MSR1: variants seen among roughly 807,000 people sequenced by gnomAD.
MSR1 encodes macrophage scavenger receptor 1.
In MSR1, 53 loss-of-function variants were observed where a neutral mutation model predicts 47.2. The observed-to-expected ratio is 1.12, with a 90% CI of 0.90 to 1.41. MSR1 has a LOEUF of 1.41. Among genes scored for constraint, MSR1 ranks in the 40% most tolerant of loss-of-function variants. The pLI is 0.00. For missense variants in MSR1, 786 were observed against 546.9 expected (o/e 1.44, Z -4.36); for synonymous variants, 239 against 185.6 (o/e 1.29, Z -2.34).
At chr8:16,185,904 A>G (rs771564379) in intron 1 of MSR1, among the ~76,000 whole-genome samples, 3 of 151,642 alleles carry the variant, frequency 2.0e-5, no homozygotes, top group African/African-American at 4.8e-5. Flanking sequence ...TCAGTGGGTG[A>G]GTAGAGGAAG....
Position 16,168,644 on chromosome 8 carries a change from A to G in MSR1, c.444T>C (p.Thr148=), listed in dbSNP as rs1585181394. 3 of 1,614,142 alleles carry G rather than the reference A, an allele frequency of 1.9e-6. No individual in the cohort carries two copies. The highest frequency in any genetic ancestry group is 1.3e-5 in the African/African-American group (1 of 75,048). ...GAAGAATGTCATTAAATCTTTGATC[A>G]GTTGTCATGCTGAAATTTTGGAAAT... ...TEHFQNFSMT[T]DQRFNDILLQ... The change falls in exon 4 of 10, where the codon ACT becomes ACC. Residue 148 remains threonine, a synonymous_variant. Transcript: ENST00000262101.
intron 1 of MSR1, among the ~76,000 whole-genome samples, chr8:16,182,476 T>C (rs181793567): frequency 6.6e-6 from 1 of 152,324 alleles, no homozygotes; most frequent in East Asian, 1.9e-4. Context: ...TCTTTTATAA[T>C]AACACCTGGC....
chr8:16,159,572 G>C (rs1801106059), intron 5 of MSR1, among the ~76,000 whole-genome samples: 1 of 151,858 alleles, frequency 6.6e-6, no homozygotes, highest in Admixed American at 6.6e-5. Context: ...AAAGGATAAA[G>C]CACTCATTAA....
At chr8:16,111,178 T>C (rs1377410591) in intron 9 of MSR1, among the ~76,000 whole-genome samples, 4 of 152,280 alleles carry the variant, frequency 2.6e-5, no homozygotes, top group African/African-American at 9.6e-5. Context: ...TAAAAACTTT[T>C]TGAAAGCCTC....
At chr8:16,111,800 T>C (rs1799761795) in intron 9 of MSR1, among the ~76,000 whole-genome samples, 1 of 152,192 alleles carries the variant, frequency 6.6e-6, no homozygotes, top group African/African-American at 2.4e-5. Context: ...ATGCCATTAT[T>C]GTGTCATTTT....
intron 1 of MSR1, among the ~76,000 whole-genome samples, chr8:16,184,632 A>T (rs993851749): frequency 3.9e-5 from 6 of 152,178 alleles, no homozygotes; most frequent in Admixed American, 1.3e-4. Context: ...TTGAATTACT[A>T]TCTATACAAA....
chr8:16,164,075 A>T lies in MSR1; in HGVS notation c.807T>A (p.Thr269=). 1 of 1,607,582 alleles carries T rather than the reference A, an allele frequency of 6.2e-7. No individual in the cohort carries two copies. Among genetic ancestry groups the T allele is most frequent in the South Asian group, 1.1e-5 (1 of 90,372 alleles). ...GACAAGACATTTTACCTTGAATTAA[A>T]GTGATATTTCTCAAGGTCTGAGAAT... ...WEHSQTLRNI[T]LIQGPPGPPG... is the part of the protein sequence containing the mutation. Residue 269 remains threonine, a synonymous_variant, in exon 5 of 10, where the codon ACT becomes ACA. Transcript: ENST00000262101.
In MSR1 at chr8:16,139,763, AAAAAAAAAAAAATATATATAT is replaced by A. The variant is rs1412976529; in HGVS notation, c.1033+3774_1033+3794del. On this transcript the variant is annotated intron_variant, in intron 8 of 9. Transcript: ENST00000262101. ...TTCAAAACTTAAAAAAAAAAAAAAA[AAAAAAAAAAAAATATATATAT>A]ATATATATATATATATATATATATA... 1.8e-5 allele frequency: 3 copies of A among 163,898 alleles called. No homozygotes were observed. The African/African-American group carries it at 2.3e-4, about 13-fold the overall frequency. The allele number at this position is 163,898 out of a possible 1,614,324, so 10.2% of individuals were successfully genotyped here. A position where few individuals can be genotyped will look rare whatever the true frequency, so the allele number is the denominator to read the frequency against.
rs553064519 is a variant in MSR1, at chr8:16,158,717, T to C, written c.818-3573A>G. Reference sequence around the variant, plus strand: ...AACATTGTTTAACTAAACATATTTATAGAGGGTCAGAGAGTGAGTTGCTCA... The same window carrying C: ...AACATTGTTTAACTAAACATATTTACAGAGGGTCAGAGAGTGAGTTGCTCA... On this transcript the variant is annotated intron_variant, in intron 5 of 9. Coordinates refer to ENST00000262101, the MANE Select transcript of MSR1 (RefSeq NM_138715.3). Among the ~76,000 whole-genome samples, 40 of 152,010 alleles carry C rather than the reference T, an allele frequency of 2.6e-4. 2 individuals are homozygous for C. The highest frequency in any genetic ancestry group is 9.2e-4 in the African/African-American group (38 of 41,526).
At position 16,109,913 on chromosome 8, in the gene MSR1, G is replaced by C; in HGVS notation, c.*172C>G. The C allele has an allele frequency of 2.8e-6, 2 of 715,048 alleles. No homozygotes were observed. Among genetic ancestry groups the C allele is most frequent in the Non-Finnish European group, 2.3e-6 (1 of 441,478 alleles). 44.3% of individuals were successfully genotyped at this position (715,048 alleles called of 1,614,324 possible). A position where few individuals can be genotyped will look rare whatever the true frequency, so the allele number is the denominator to read the frequency against. On this transcript the variant is annotated 3_prime_UTR_variant, in exon 10 of 10. Coordinates refer to ENST00000262101, the MANE Select transcript of MSR1 (RefSeq NM_138715.3). ...TAGAAGTTAAAATGATTTAAATATA[G>C]ACATAAAATAGTAAGCATGAAGGTG...
At chr8:16,159,566 G>C (rs1201311347) in intron 5 of MSR1, among the ~76,000 whole-genome samples, 1 of 151,766 alleles carries the variant, frequency 6.6e-6, no homozygotes, top group Non-Finnish European at 1.5e-5. Context: ...CATGATAAAG[G>C]ATAAAGCACT....
intron 5 of MSR1, 88 bp from the exon 6 acceptor site, chr8:16,155,232 C>A: frequency 2.2e-6 from 2 of 897,260 alleles, no homozygotes; most frequent in Non-Finnish European, 3.6e-6. Flanking sequence ...ATAAGGAAAT[C>A]CAAAGTCTTC....
chr8:16,131,920 C>T (rs1189296186), intron 8 of MSR1, among the ~76,000 whole-genome samples: 1 of 151,308 alleles, frequency 6.6e-6, no homozygotes, highest in Non-Finnish European at 1.5e-5. Context: ...ACCATGATAT[C>T]TCCAGCTTTG....
intron 1 of MSR1, among the ~76,000 whole-genome samples, chr8:16,184,797 CTTTGA>C (rs559123532): frequency 1.0e-3 from 153 of 151,770 alleles, no homozygotes; most frequent in Admixed American, 1.8e-3. Context: ...AGTTTCTAAC[CTTTGA>C]TTTATTTTTT....
chr8:16,163,255 T>G (rs1442598139), intron 5 of MSR1, among the ~76,000 whole-genome samples: 2 of 151,832 alleles, frequency 1.3e-5, no homozygotes, highest in African/African-American at 4.8e-5. Flanking sequence ...CCAGAGCACA[T>G]GATAAGATAG....
intron 9 of MSR1, among the ~76,000 whole-genome samples, chr8:16,111,559 C>G (rs942099122): frequency 6.6e-6 from 1 of 152,074 alleles, no homozygotes; most frequent in Non-Finnish European, 1.5e-5. Context: ...CAAGGCCATC[C>G]CAACATGAAT....
Position 16,148,881 on chromosome 8 carries a change from A to C in MSR1, c.979+1350T>G, listed in dbSNP as rs79042234. Among the ~76,000 whole-genome samples the C allele has an allele frequency of 5.9e-3, 895 of 152,282 alleles. 25 individuals are homozygous for C. In the East Asian group the frequency reaches 0.098, roughly 17 times the overall value. On this transcript the variant is annotated intron_variant, in intron 7 of 9. Coordinates refer to ENST00000262101, the MANE Select transcript of MSR1 (RefSeq NM_138715.3). ...AAATGAGCAATCAGACCATGGAAAG[A>C]TATAGAGAAACCTTACATTCATATT...
At chr8:16,173,534 C>A (rs1248265474) in intron 3 of MSR1, among the ~76,000 whole-genome samples, 1 of 152,120 alleles carries the variant, frequency 6.6e-6, no homozygotes, top group Non-Finnish European at 1.5e-5. Flanking sequence ...ACTCAGACAA[C>A]AATAGTTTGG....
chr8:16,120,694 A>G, intron 8 of MSR1, 88 bp from the exon 9 acceptor site: 1 of 1,436,772 alleles, frequency 7.0e-7, no homozygotes, highest in Admixed American at 2.6e-5. Context: ...TTTTTTTTAA[A>G]CACAAAAAAA....
Sources: allele counts gnomAD v4.1 joint callset (sites outside exome capture counted in the v4.1 genomes callset), GRCh38; gene constraint gnomAD v4.1.1; transcripts MANE v1.5; gene names NCBI Gene and HGNC (gene_info 2026-07-23, HGNC 2026-07-21).